The following ZNF704 variants were observed in gnomAD, a reference collection of about 807,000 sequenced individuals.
The protein encoded by ZNF704 is zinc finger protein 704.
Under a neutral mutation model 44.7 loss-of-function variants are expected in ZNF704, and 10 were observed. That is an observed-to-expected ratio of 0.22 (90% CI 0.14 to 0.38). The LOEUF (loss-of-function observed/expected upper bound fraction) is 0.38, where lower values mean the gene tolerates loss of function less well. Ranked by LOEUF, ZNF704 falls within the 10% of genes least tolerant of loss-of-function variation. The probability of loss-of-function intolerance (pLI) is 1.00; values close to 1 mark genes in which losing one functional copy is unlikely to be tolerated. For synonymous variants in ZNF704, 211 were observed against 207.6 expected (o/e 1.02, Z -0.14); for missense variants, 390 against 545.5 (o/e 0.71, Z 2.84).
chr8:80,878,259 AGG>A, upstream of ZNF704, among the ~76,000 whole-genome samples: 1 of 45,696 alleles, frequency 2.2e-5, no homozygotes, highest in Admixed American at 2.9e-4. Context: ...AAAGAAAGGA[AGG>A]AAGGAAGGAA....
chr8:80,748,424 G>A (rs150228251), intron 2 of ZNF704, among the ~76,000 whole-genome samples: 127 of 152,298 alleles, frequency 8.3e-4, no homozygotes, highest in African/African-American at 2.9e-3. Context: ...TGGTGCCATG[G>A]CATCTGAGTT....
rs1358001174 is a variant in ZNF704, at chr8:80,634,698, C to T, written c.*6668G>A. On this transcript the variant is annotated 3_prime_UTR_variant, in exon 9 of 9. Transcript: ENST00000327835. ...GAGGGCATGTGTTCTGCAGTTCAAC[C>T]TGGTCTCCACCATTCTTGTGTTCCT... The T allele has an allele frequency of 3.9e-5, 6 of 152,240 alleles. No individual in the cohort carries two copies. The highest frequency in any genetic ancestry group is 9.7e-5 in the African/African-American group (4 of 41,440). 9.4% of individuals were successfully genotyped at this position (152,240 alleles called of 1,614,324 possible). A position where few individuals can be genotyped will look rare whatever the true frequency, so the allele number is the denominator to read the frequency against.
intron 2 of ZNF704, among the ~76,000 whole-genome samples, chr8:80,748,682 C>G (rs560925193): frequency 6.6e-6 from 1 of 152,034 alleles, no homozygotes; most frequent in South Asian, 2.1e-4. Context: ...GGGACGAACC[C>G]AAGGAAAAGA....
intron 8 of ZNF704, 41 bp downstream of exon 8, chr8:80,642,994 C>A: frequency 7.3e-7 from 1 of 1,364,288 alleles, no homozygotes. Context: ...ACAGTTAATT[C>A]CCTTGTGGTG....
chr8:80,848,656 C>T (rs1238166970), intron 1 of ZNF704, among the ~76,000 whole-genome samples: 3 of 151,960 alleles, frequency 2.0e-5, no homozygotes, highest in Non-Finnish European at 4.4e-5. Flanking sequence ...ACCAACCTGA[C>T]CAACATGGTG....
intron 1 of ZNF704, among the ~76,000 whole-genome samples, chr8:80,840,594 CCT>C (rs1279339054): frequency 6.6e-6 from 1 of 152,120 alleles, no homozygotes; most frequent in Non-Finnish European, 1.5e-5. Context: ...GAGAAAATCC[CCT>C]GATCCTGCTC....
At chr8:80,816,226 C>T (rs1808174960) in intron 2 of ZNF704, among the ~76,000 whole-genome samples, 1 of 152,182 alleles carries the variant, frequency 6.6e-6, no homozygotes. Context: ...CCATTCTACA[C>T]ATAACACCTA....
intron 2 of ZNF704, among the ~76,000 whole-genome samples, chr8:80,790,128 T>G (rs1439450097): frequency 6.6e-6 from 1 of 152,192 alleles, no homozygotes; most frequent in African/African-American, 2.4e-5. Flanking sequence ...TCAATGTGCA[T>G]CAGTATCCTC....
chr8:80,822,220 G>T (rs920593592), intron 1 of ZNF704, among the ~76,000 whole-genome samples: 7 of 151,698 alleles, frequency 4.6e-5, no homozygotes, highest in Non-Finnish European at 1.0e-4. Flanking sequence ...TGCTGCACCC[G>T]TTAACTCATC....
intron 2 of ZNF704, among the ~76,000 whole-genome samples, chr8:80,787,327 C>T (rs1807631208): frequency 6.6e-6 from 1 of 152,104 alleles, no homozygotes. Flanking sequence ...TCTACATGTG[C>T]GTGCACACAC....
intron 2 of ZNF704, 113 bp from the exon 3 acceptor site, chr8:80,693,220 C>T (rs772747277): frequency 4.2e-5 from 35 of 843,060 alleles, no homozygotes; most frequent in Non-Finnish European, 5.4e-5. Context: ...CATGAACAAC[C>T]GATGTTCTGT....
At chr8:80,757,481 T>C (rs924490613) in intron 2 of ZNF704, among the ~76,000 whole-genome samples, 1 of 152,084 alleles carries the variant, frequency 6.6e-6, no homozygotes, top group African/African-American at 2.4e-5. Flanking sequence ...TAAATGTTTA[T>C]AAACTAAAAA....
chr8:80,658,124 C>T (rs1005688275), intron 7 of ZNF704, among the ~76,000 whole-genome samples: 2 of 152,116 alleles, frequency 1.3e-5, no homozygotes, highest in Admixed American at 6.6e-5. Context: ...AAAAACATTC[C>T]AGTTTGCTTG....
chr8:80,682,739 G>T (rs1445103042), intron 4 of ZNF704, among the ~76,000 whole-genome samples: 2 of 152,202 alleles, frequency 1.3e-5, no homozygotes, highest in Admixed American at 6.5e-5. Flanking sequence ...GGGGAGGGGG[G>T]AGGAGGAAAG....
chr8:80,740,413 C>G (rs977935039), intron 2 of ZNF704, among the ~76,000 whole-genome samples: 7 of 152,148 alleles, frequency 4.6e-5, no homozygotes, highest in Non-Finnish European at 4.4e-5. Context: ...CTTTCCCTAC[C>G]AAAGGCAGTA....
intron 7 of ZNF704, among the ~76,000 whole-genome samples, chr8:80,655,860 G>A (rs915174697): frequency 6.6e-6 from 1 of 152,160 alleles, no homozygotes; most frequent in Non-Finnish European, 1.5e-5. Flanking sequence ...TGACAAATAA[G>A]CACTGCTATT....
intron 2 of ZNF704, among the ~76,000 whole-genome samples, chr8:80,762,000 T>G (rs192180894): frequency 6.6e-6 from 1 of 152,324 alleles, no homozygotes; most frequent in Admixed American, 6.5e-5. Flanking sequence ...AATGCAGGTG[T>G]ACAAAAGGAC....
intron 2 of ZNF704, among the ~76,000 whole-genome samples, chr8:80,786,323 G>A (rs1284186295): frequency 6.6e-6 from 1 of 152,150 alleles, no homozygotes; most frequent in Non-Finnish European, 1.5e-5. Context: ...CTTAAGTGCT[G>A]AGCTACAGTC....
intron 2 of ZNF704, among the ~76,000 whole-genome samples, chr8:80,770,565 T>C (rs552935779): frequency 6.6e-6 from 1 of 152,324 alleles, no homozygotes; most frequent in East Asian, 1.9e-4. Flanking sequence ...TTTTTTACTG[T>C]TGAGTTTTGA....
Sources: allele counts gnomAD v4.1 joint callset (sites outside exome capture counted in the v4.1 genomes callset), GRCh38; gene constraint gnomAD v4.1.1; transcripts MANE v1.5; gene names NCBI Gene and HGNC (gene_info 2026-07-23, HGNC 2026-07-21).